Variants in TCF20 observed in about 807,000 individuals in gnomAD.
TCF20 encodes transcription factor 20.
In TCF20, 3 loss-of-function variants were observed where a neutral mutation model predicts 148.6. The observed-to-expected ratio is 0.02, with a 90% CI of 0.01 to 0.05. TCF20 has a LOEUF of 0.05. Among genes scored for constraint, TCF20 ranks in the 10% least tolerant of loss-of-function variants. TCF20 has a pLI of 1.00. For synonymous variants in TCF20, 1,049 were observed against 909.5 expected (o/e 1.15, Z -2.76); for missense variants, 2,350 against 2,429.3 (o/e 0.97, Z 0.69).
At chr22:42,182,771 C>G (rs574250318) in intron 2 of TCF20, among the ~76,000 whole-genome samples, 35 of 152,308 alleles carry the variant, frequency 2.3e-4, no homozygotes, top group African/African-American at 7.9e-4. Flanking sequence ...GAGTCTCGTT[C>G]TGTCACCCAG....
chr22:42,248,688 CA>C (rs1240736007), intron 1 of TCF20, among the ~76,000 whole-genome samples: 1 of 152,182 alleles, frequency 6.6e-6, no homozygotes, highest in African/African-American at 2.4e-5. Flanking sequence ...TTTAAAACCA[CA>C]ACCCCAAAAG....
chr22:42,207,668 A>G (rs1333194920), intron 2 of TCF20, among the ~76,000 whole-genome samples: 1 of 152,184 alleles, frequency 6.6e-6, no homozygotes, highest in African/African-American at 2.4e-5. Context: ...ATACAAAATT[A>G]GCTGTGCATG....
chr22:42,206,186 G>A (rs1938372625), intron 2 of TCF20, among the ~76,000 whole-genome samples: 1 of 152,168 alleles, frequency 6.6e-6, no homozygotes, highest in Admixed American at 6.5e-5. Flanking sequence ...AAAAAACTGG[G>A]CTGAGATATG....
chr22:42,270,637 A>C lies in TCF20; in HGVS notation c.-335T>G, dbSNP rs1413776840. Reference sequence around the variant, plus strand: ...CGGGGTTTTTTCTCTCCATTCTCCCAACACACAGGAAATAACAGAGCGTCA... The same window carrying C: ...CGGGGTTTTTTCTCTCCATTCTCCCCACACACAGGAAATAACAGAGCGTCA... On this transcript the variant is annotated 5_prime_UTR_variant, in exon 1 of 6. Coordinates refer to ENST00000677622, the MANE Select transcript of TCF20 (RefSeq NM_001378418.1). Among the ~76,000 whole-genome samples the C allele has an allele frequency of 1.4e-5, 2 of 140,990 alleles. No individual in the cohort carries two copies. Among genetic ancestry groups the C allele is most frequent in the Non-Finnish European group, 3.1e-5 (2 of 64,300 alleles). The allele number at this position is 140,990 out of a possible 152,430, so 92.5% of individuals were successfully genotyped here.
chr22:42,233,160 C>A (rs1436966593), intron 1 of TCF20, among the ~76,000 whole-genome samples: 4 of 152,124 alleles, frequency 2.6e-5, no homozygotes, highest in Non-Finnish European at 5.9e-5. Flanking sequence ...GACCTGAAGT[C>A]ATCCACCTGC....
At chr22:42,268,176 T>C (rs963130915) in intron 1 of TCF20, among the ~76,000 whole-genome samples, 3 of 152,122 alleles carry the variant, frequency 2.0e-5, no homozygotes, top group African/African-American at 4.8e-5. Context: ...GGGATTTAAT[T>C]TTAAAAATTA....
rs564781674 is a variant in TCF20 at position 42,186,461 on chromosome 22, G to C, written c.5656-6759C>G. ...CATACATTCATCTCTGTCATACTTTGGCAATTACTGATATCAAAATCAGAT... is the reference window on the plus strand; with the variant it reads ...CATACATTCATCTCTGTCATACTTTCGCAATTACTGATATCAAAATCAGAT... On this transcript the variant is annotated intron_variant, in intron 2 of 5. Transcript: ENST00000677622. 9.3e-4 allele frequency among the ~76,000 whole-genome samples: 141 copies of C among 152,228 alleles called. 1 individual carries two copies. Among genetic ancestry groups the C allele is most frequent in the African/African-American group, 2.9e-3 (119 of 41,534 alleles).
At chr22:42,203,839 G>A (rs1319314014) in intron 2 of TCF20, among the ~76,000 whole-genome samples, 1 of 152,176 alleles carries the variant, frequency 6.6e-6, no homozygotes. Flanking sequence ...AGAACAATCA[G>A]GTAGGGGTGG....
At chr22:42,223,358 T>C (rs545275070) in intron 1 of TCF20, among the ~76,000 whole-genome samples, 1 of 152,316 alleles carries the variant, frequency 6.6e-6, no homozygotes, top group African/African-American at 2.4e-5. Context: ...CCCATAACCC[T>C]TTCTTTCACT....
chr22:42,246,705 C>T (rs1268879746), intron 1 of TCF20, among the ~76,000 whole-genome samples: 3 of 152,122 alleles, frequency 2.0e-5, no homozygotes, highest in Admixed American at 6.6e-5. Flanking sequence ...CGGTGGCTCA[C>T]GCCTGTAATC....
intron 1 of TCF20, among the ~76,000 whole-genome samples, chr22:42,252,111 A>AT (rs141467897): frequency 0.18 from 26,400 of 148,818 alleles, 2,555 homozygotes; most frequent in East Asian, 0.34. Flanking sequence ...CTCTACCTGT[A>AT]TTTTTTTTTG....
intron 1 of TCF20, chr22:42,277,136 C>T (rs1489077233): frequency 6.6e-6 from 1 of 152,248 alleles, no homozygotes; most frequent in Non-Finnish European, 1.5e-5. Flanking sequence ...TGTCCTGTGC[C>T]TGTCTGCTCC....
chr22:42,312,138 G>A (rs1188823404), intron 1 of TCF20, among the ~76,000 whole-genome samples: 1 of 151,998 alleles, frequency 6.6e-6, no homozygotes, highest in African/African-American at 2.4e-5. Flanking sequence ...TACACCAGGT[G>A]CAGGAGCTAC....
rs143262340 is a variant in TCF20 at position 42,213,373 on chromosome 22, T to C, written c.1933A>G (p.Lys645Glu). The C allele has an allele frequency of 8.1e-6, 13 of 1,614,068 alleles. No individual in the cohort carries two copies. Among genetic ancestry groups the C allele is most frequent in the East Asian group, 2.2e-5 (1 of 44,882 alleles). Reference sequence around the variant, plus strand: ...GGAAGTGATGCATGACTGGTTTCCTTTGCCCCACCATTGCTAGGTGGCCTT... The same window carrying C: ...GGAAGTGATGCATGACTGGTTTCCTCTGCCCCACCATTGCTAGGTGGCCTT... ...TQRPPSNGGA[K>E]ETSHASLPQP... The change falls in exon 2 of 6, where the codon AAG becomes GAG. Residue 645 changes from lysine to glutamate, a missense_variant. Transcript: ENST00000677622.
intron 1 of TCF20, among the ~76,000 whole-genome samples, chr22:42,253,029 G>C (rs570214744): frequency 6.6e-6 from 1 of 151,856 alleles, no homozygotes; most frequent in South Asian, 2.1e-4. Flanking sequence ...GCAAAATACT[G>C]GTTTATAAAA....
At chr22:42,277,392 A>G (rs1926803218) in intron 1 of TCF20, among the ~76,000 whole-genome samples, 1 of 152,252 alleles carries the variant, frequency 6.6e-6, no homozygotes, top group Non-Finnish European at 1.5e-5. Flanking sequence ...CATGATACAA[A>G]TTAGTAAGAA....
At chr22:42,240,288 T>C (rs1924279578) in intron 1 of TCF20, among the ~76,000 whole-genome samples, 1 of 152,186 alleles carries the variant, frequency 6.6e-6, no homozygotes, top group African/African-American at 2.4e-5. Context: ...ATAGTGAGTC[T>C]TAAAGCACCC....
At position 42,290,381 on chromosome 22, in the gene TCF20, C is replaced by A. The variant is rs1039521665; in HGVS notation, c.-37+53098G>T. On this transcript the variant is annotated intron_variant, in intron 1 of 1. Transcript: ENST00000515426. The surrounding 1 kb of genome is among the most constrained non-coding windows in gnomAD (Gnocchi z 4.2). ...AGGGGCTAGCTAATCCCAGCCAAAA[C>A]ACACGGAATGAGAATCGTTCAGAAT... Among the ~76,000 whole-genome samples, 1 of 152,256 alleles carries A rather than the reference C, an allele frequency of 6.6e-6. No homozygotes were observed. The highest frequency in any genetic ancestry group is 1.5e-5 in the Non-Finnish European group (1 of 68,048).
intron 3 of TCF20, among the ~76,000 whole-genome samples, chr22:42,177,964 C>T (rs1936545446): frequency 6.6e-6 from 1 of 152,116 alleles, no homozygotes; most frequent in South Asian, 2.1e-4. Context: ...CTGTGATTAG[C>T]AGCTTGGAAC....
Sources: allele counts gnomAD v4.1 joint callset (sites outside exome capture counted in the v4.1 genomes callset), GRCh38; gene constraint gnomAD v4.1.1; non-coding constraint Gnocchi (gnomAD v3.1); transcripts MANE v1.5; gene names NCBI Gene and HGNC (gene_info 2026-07-23, HGNC 2026-07-21).